The following GMIP variants were observed in gnomAD, a reference collection of about 807,000 sequenced individuals.
GMIP encodes GEM interacting protein.
In GMIP, 54 loss-of-function variants were observed where a neutral mutation model predicts 105.3. That is an observed-to-expected ratio of 0.51 (90% CI 0.41 to 0.64). GMIP has a LOEUF of 0.64. Ranked by LOEUF, GMIP falls within the 30% of genes least tolerant of loss-of-function variation. The probability of loss-of-function intolerance (pLI) is 0.00; values close to 1 mark genes in which losing one functional copy is unlikely to be tolerated. For missense variants in GMIP, 1,110 were observed against 1,319.4 expected (o/e 0.84, Z 2.46); for synonymous variants, 541 against 560.8 (o/e 0.96, Z 0.50).
At chr19:19,639,919 T>C (rs564318031) in intron 7 of GMIP, among the ~76,000 whole-genome samples, 166 bp downstream of exon 7, 2 of 152,268 alleles carry the variant, frequency 1.3e-5, no homozygotes, top group South Asian at 2.1e-4. Flanking sequence ...CTGGGTAACC[T>C]TGGGCAAGTT....
At chr19:19,633,060 T>C (rs1292663456) in intron 19 of GMIP, among the ~76,000 whole-genome samples, 1 of 118,534 alleles carries the variant, frequency 8.4e-6, no homozygotes. Context: ...CTTACTCCAC[T>C]TTTTTTTTTT....
rs2061865506 is a variant in GMIP at position 19,637,341 on chromosome 19, C to T, written c.1124+24G>A. ...GCATCGCGATTCCGGGGCTCGTTCC[C>T]GACTCCCTGCTCCAGTGACCCACCT... is the stretch of plus-strand genomic sequence containing the variant. On this transcript the variant is annotated intron_variant, in intron 11 of 20. Transcript: ENST00000203556. The surrounding 1 kb of genome is among the most constrained non-coding windows in gnomAD (Gnocchi z 6.7). The T allele has an allele frequency of 1.4e-6, 2 of 1,452,460 alleles. No individual in the cohort carries two copies. The highest frequency in any genetic ancestry group is 2.5e-5 in the East Asian group (1 of 40,192). The allele number at this position is 1,452,460 out of a possible 1,614,324, so 90.0% of individuals were successfully genotyped here.
At chr19:19,643,084 A>G in intron 1 of GMIP, 1 of 219,666 alleles carries the variant, frequency 4.6e-6, no homozygotes, top group Non-Finnish European at 9.0e-6. Context: ...GGAAACACCA[A>G]GTCGGACCCC....
In GMIP at chr19:19,640,370, G is replaced by A; in HGVS notation, c.365-10C>T. On this transcript the variant is annotated splice_polypyrimidine_tract_variant and intron_variant, in intron 5 of 20. Transcript: ENST00000203556. ...TTAGCAAACTCCAGCTCTGGGGGAA[G>A]AGAGAGCCGGGCTCTGGGTCTAGCT... The A allele has an allele frequency of 6.2e-7, 1 of 1,614,082 alleles. No homozygotes were observed. Among genetic ancestry groups the A allele is most frequent in the Non-Finnish European group, 8.5e-7 (1 of 1,179,990 alleles).
At position 19,630,639 on chromosome 19, in the gene GMIP, G is replaced by T; in HGVS notation, c.2473-102C>A. The T allele has an allele frequency of 9.6e-7, 1 of 1,037,462 alleles. No individual in the cohort carries two copies. The highest frequency in any genetic ancestry group is 1.5e-6 in the Non-Finnish European group (1 of 664,912). 64.3% of individuals were successfully genotyped at this position (1,037,462 alleles called of 1,614,324 possible). Reference sequence around the variant, plus strand: ...TGTTCCTGGACATGCAAAAGGAATAGCCAGTGCAAAGGCCCTGAGGTAGGA... The same window carrying T: ...TGTTCCTGGACATGCAAAAGGAATATCCAGTGCAAAGGCCCTGAGGTAGGA... On this transcript the variant is annotated intron_variant, in intron 19 of 20. Coordinates refer to ENST00000203556, the MANE Select transcript of GMIP (RefSeq NM_016573.4). This position sits in a 1 kb window ranked among gnomAD's most constrained non-coding sequence, Gnocchi z 4.8.
At chr19:19,633,025 C>T (rs139417838) in intron 19 of GMIP, among the ~76,000 whole-genome samples, 21 of 151,904 alleles carry the variant, frequency 1.4e-4, no homozygotes, top group East Asian at 3.9e-4. Flanking sequence ...CACCTCCCAC[C>T]GTGCTGCTCC....
At chr19:19,643,435 G>A in intron 1 of GMIP, 76 bp downstream of exon 1, 1 of 1,318,320 alleles carries the variant, frequency 7.6e-7, no homozygotes. Context: ...AGGACGGAGC[G>A]GGACAAGTGT....
At chr19:19,641,664 T>C (rs1315479577) in intron 4 of GMIP, 146 bp downstream of exon 4, 12 of 719,380 alleles carry the variant, frequency 1.7e-5, no homozygotes, top group Non-Finnish European at 3.0e-5. Flanking sequence ...GGGGTCTCCC[T>C]GAGGGCTGGG....
Position 19,641,833 on chromosome 19 carries a change from G to T in GMIP, c.215C>A (p.Pro72Gln). ...ACCTGTGAGGGGTACAGGACCCTCTGGGGAGGGGCCGCTCCAACAGCTGGC... is the reference window on the plus strand; with the variant it reads ...ACCTGTGAGGGGTACAGGACCCTCTTGGGAGGGGCCGCTCCAACAGCTGGC... ...NEASCWSGPSPEGPVPLTGEE... is the reference protein window; with the variant it reads ...NEASCWSGPSQEGPVPLTGEE... Residue 72 changes from proline to glutamine, a missense_variant, in exon 4 of 21, where the codon CCA (proline) becomes CAA (glutamine). This residue lies in a region of GMIP where 667 missense variants were observed against 773.2 expected (regional missense o/e 0.86). Transcript: ENST00000203556. 1 of 1,612,208 alleles carries T rather than the reference G, an allele frequency of 6.2e-7. No homozygotes were observed. Among genetic ancestry groups the T allele is most frequent in the Non-Finnish European group, 8.5e-7 (1 of 1,179,514 alleles).
Position 19,637,358 on chromosome 19 carries a change from G to T in GMIP, c.1124+7C>A. 1.3e-6 allele frequency: 2 copies of T among 1,486,198 alleles called. No individual in the cohort carries two copies. The highest frequency in any genetic ancestry group is 1.8e-6 in the Non-Finnish European group (2 of 1,117,696). The allele number at this position is 1,486,198 out of a possible 1,614,324, so 92.1% of individuals were successfully genotyped here. On this transcript the variant is annotated splice_region_variant and intron_variant, in intron 11 of 20. Coordinates refer to ENST00000203556, the MANE Select transcript of GMIP (RefSeq NM_016573.4). This position sits in a 1 kb window ranked among gnomAD's most constrained non-coding sequence, Gnocchi z 6.7. ...CTCGTTCCCGACTCCCTGCTCCAGT[G>T]ACCCACCTGTTCAAGGAGGGAAGGA...
chr19:19,637,661 G>A lies in GMIP; in HGVS notation c.928-100C>T, dbSNP rs1027334297. ...GCTTGAGAGACGCGAACGTGGTCAG[G>A]GTTTGGGACGCACCTGGGCGGCTTA... On this transcript the variant is annotated intron_variant, in intron 10 of 20. Coordinates refer to ENST00000203556, the MANE Select transcript of GMIP (RefSeq NM_016573.4). The surrounding 1 kb of genome is among the most constrained non-coding windows in gnomAD (Gnocchi z 6.7). 2 of 1,034,692 alleles carry A rather than the reference G, an allele frequency of 1.9e-6. No individual in the cohort carries two copies. The highest frequency in any genetic ancestry group is 2.7e-6 in the Non-Finnish European group (2 of 740,970). The allele number at this position is 1,034,692 out of a possible 1,614,324, so 64.1% of individuals were successfully genotyped here. A position where few individuals can be genotyped will look rare whatever the true frequency, so the allele number is the denominator to read the frequency against.
rs1353676782 is a variant in GMIP, at chr19:19,638,289, T to TA, written c.658dup (p.Tyr220LeufsTer17). On this transcript the variant is annotated frameshift_variant, in exon 9 of 21. Transcript: ENST00000203556. LOFTEE classifies it high-confidence loss of function. ...CCGCAGGTCCTCGCTGCGTTGCACA[T>TA]ACTGCAGCTGGGCGCGCCGCAGTGC... is the stretch of plus-strand genomic sequence containing the variant. 6.2e-7 allele frequency: 1 copy of TA among 1,611,706 alleles called. No homozygotes were observed. Among genetic ancestry groups the TA allele is most frequent in the African/African-American group, 1.3e-5 (1 of 74,942 alleles).
chr19:19,642,561 G>A lies in GMIP; in HGVS notation c.78C>T (p.Asp26=). ...KRYSDIFRSL[D]NLEISLGNVT... ...CGTTCCCCAGTGAGATTTCGAGGTT[G>A]TCCAGGCTCCGGAAGATGTCACTGT... Residue 26 remains aspartate, a synonymous_variant, in exon 2 of 21, where the codon GAC becomes GAT. Coordinates refer to ENST00000203556, the MANE Select transcript of GMIP (RefSeq NM_016573.4). 6.2e-7 allele frequency: 1 copy of A among 1,610,598 alleles called. No homozygotes were observed. Among genetic ancestry groups the A allele is most frequent in the Non-Finnish European group, 8.5e-7 (1 of 1,177,188 alleles).
In GMIP at chr19:19,638,222, G is replaced by A. The variant is rs1286712640; in HGVS notation, c.726C>T (p.Ala242=). ...CCTGCTGCTTGCTAGGTCCCGGCGA[G>A]GCCTGGGGGGCCGAGTCCTCAGGGG... ...QGSPEDSAPQ[A]SPGPSKQQER... Residue 242 remains alanine, a synonymous_variant, in exon 9 of 21, where the codon GCC becomes GCT. Transcript: ENST00000203556. 6 of 1,599,672 alleles carry A rather than the reference G, an allele frequency of 3.8e-6. No individual in the cohort carries two copies. In the African/African-American group the frequency reaches 6.7e-5, roughly 18 times the overall value.
intron 4 of GMIP, 86 bp from the exon 5 acceptor site, chr19:19,640,657 C>A (rs1473523827): frequency 1.4e-6 from 2 of 1,394,180 alleles, no homozygotes; most frequent in African/African-American, 2.8e-5. Flanking sequence ...CCCAGTGGCA[C>A]CTGTCCTACA....
chr19:19,630,982 T>C lies in GMIP; in HGVS notation c.2473-445A>G, dbSNP rs1015662864. Among the ~76,000 whole-genome samples the C allele has an allele frequency of 4.0e-5, 6 of 151,686 alleles. No homozygotes were observed. Among genetic ancestry groups the C allele is most frequent in the African/African-American group, 1.5e-4 (6 of 41,258 alleles). The stretch of plus-strand genomic sequence containing the variant: ...TTGGGAGGCTGAGGTTGGTGGATTA[T>C]CTGAGGTCAGGAGTTCGGGACCAGC... On this transcript the variant is annotated intron_variant, in intron 19 of 20. Transcript: ENST00000203556. This position sits in a 1 kb window ranked among gnomAD's most constrained non-coding sequence, Gnocchi z 4.8.
At chr19:19,642,135 G>C in intron 2 of GMIP, 84 bp from the exon 3 acceptor site, 2 of 787,488 alleles carry the variant, frequency 2.5e-6, no homozygotes, top group Non-Finnish European at 4.2e-6. Context: ...GGTTGTTTGT[G>C]GCAAACATCA....
At position 19,637,045 on chromosome 19, in the gene GMIP, T is replaced by A; in HGVS notation, c.1125-16A>T. On this transcript the variant is annotated splice_polypyrimidine_tract_variant and intron_variant, in intron 11 of 20. Transcript: ENST00000203556. This position sits in a 1 kb window ranked among gnomAD's most constrained non-coding sequence, Gnocchi z 6.7. ...CAGAGGGGAGCTGAGAAGACAGAAG[T>A]TTGAAGGTTTGAATCCCAGGAAACT... 6.6e-7 allele frequency: 1 copy of A among 1,505,294 alleles called. No individual in the cohort carries two copies. The highest frequency in any genetic ancestry group is 9.1e-7 in the Non-Finnish European group (1 of 1,104,066). 93.2% of individuals were successfully genotyped at this position (1,505,294 alleles called of 1,614,324 possible). A position where few individuals can be genotyped will look rare whatever the true frequency, so the allele number is the denominator to read the frequency against.
rs781485159 is a variant in GMIP, at chr19:19,634,111, G to GA, written c.2163_2164insT (p.Pro722SerfsTer40). ...GCGCTGGCTGCCCGCGGGCCGTCCG[G>GA]CGGCCGCAGCAGTGTCGGCCCAAAC... On this transcript the variant is annotated frameshift_variant, in exon 19 of 21. Transcript: ENST00000203556. LOFTEE classifies it high-confidence loss of function. The surrounding 1 kb of genome is among the most constrained non-coding windows in gnomAD (Gnocchi z 6.1). 3.7e-6 allele frequency: 6 copies of GA among 1,612,660 alleles called. No individual in the cohort carries two copies. Among genetic ancestry groups the GA allele is most frequent in the Non-Finnish European group, 5.1e-6 (6 of 1,179,568 alleles).
Sources: gnomAD v4.1 joint callset for allele counts (sites outside exome capture counted in the v4.1 genomes callset) on GRCh38, gnomAD v4.1.1 for gene constraint, gnomAD v4.1.1 regional missense constraint, Gnocchi (gnomAD v3.1) non-coding constraint, MANE v1.5 for transcripts, NCBI Gene and HGNC (gene_info 2026-07-23, HGNC 2026-07-21) for gene names.